The following RELN variants were observed in gnomAD, a reference collection of about 807,000 sequenced individuals.
RELN encodes the protein reelin.
In RELN, 108 loss-of-function variants were observed where a neutral mutation model predicts 427.6. The observed-to-expected ratio is 0.25, with a 90% CI of 0.22 to 0.30. The LOEUF (loss-of-function observed/expected upper bound fraction) is 0.30, where lower values mean the gene tolerates loss of function less well. Ranked by LOEUF, RELN falls within the 10% of genes least tolerant of loss-of-function variation. The pLI is 1.00. For missense variants in RELN, 3,715 were observed against 4,302.8 expected (o/e 0.86, Z 3.82); for synonymous variants, 1,524 against 1,513.4 (o/e 1.01, Z -0.16).
At chr7:103,680,130 G>T (rs1002520121) in intron 11 of RELN, among the ~76,000 whole-genome samples, 2 of 152,084 alleles carry the variant, frequency 1.3e-5, no homozygotes, top group Non-Finnish European at 2.9e-5. Context: ...ATAAGAGCAA[G>T]TTACATTTAA....
intron 11 of RELN, among the ~76,000 whole-genome samples, chr7:103,674,603 T>TG (rs1316806231): frequency 6.6e-6 from 1 of 152,084 alleles, no homozygotes. Context: ...TGCTCGTTCC[T>TG]GGGGGGCAGA....
intron 2 of RELN, among the ~76,000 whole-genome samples, chr7:103,881,938 T>C (rs1160146666): frequency 6.6e-6 from 1 of 152,190 alleles, no homozygotes; most frequent in East Asian, 1.9e-4. Flanking sequence ...GAATATTGTA[T>C]TAAAACCAAT....
chr7:103,904,216 T>C (rs927186421), intron 2 of RELN, among the ~76,000 whole-genome samples: 2 of 152,162 alleles, frequency 1.3e-5, no homozygotes, highest in Non-Finnish European at 2.9e-5. Context: ...CAGTATTCCA[T>C]AGTGTATATG....
At chr7:103,964,984 C>T (rs1161337029) in intron 1 of RELN, among the ~76,000 whole-genome samples, 1 of 152,160 alleles carries the variant, frequency 6.6e-6, no homozygotes, top group African/African-American at 2.4e-5. Context: ...ATAATGCTAC[C>T]TCACAGAATC....
intron 52 of RELN, among the ~76,000 whole-genome samples, chr7:103,502,680 G>C (rs1393426993): frequency 2.6e-5 from 4 of 152,152 alleles, no homozygotes; most frequent in African/African-American, 4.8e-5. Context: ...AGTGCACAGA[G>C]GTCCACAGTC....
chr7:103,891,862 C>G (rs755595466), intron 2 of RELN, among the ~76,000 whole-genome samples: 2 of 152,138 alleles, frequency 1.3e-5, no homozygotes, highest in Admixed American at 6.5e-5. Context: ...CAGTTCATAT[C>G]CAATGCACTC....
At chr7:103,831,165 T>C (rs1338151403) in intron 3 of RELN, among the ~76,000 whole-genome samples, 4 of 152,162 alleles carry the variant, frequency 2.6e-5, no homozygotes, top group Non-Finnish European at 4.4e-5. Context: ...CTGATATAGA[T>C]ATACTTTGTG....
chr7:103,894,611 G>A (rs1246297817), intron 2 of RELN, among the ~76,000 whole-genome samples: 2 of 152,120 alleles, frequency 1.3e-5, no homozygotes, highest in East Asian at 1.9e-4. Context: ...AAAGAAAATG[G>A]GAAGTCAAGT....
At chr7:103,598,977 A>G (rs1413256672) in intron 24 of RELN, among the ~76,000 whole-genome samples, 1 of 152,200 alleles carries the variant, frequency 6.6e-6, no homozygotes, top group Non-Finnish European at 1.5e-5. Flanking sequence ...CATTCCTGGT[A>G]TATGGAAAAT....
chr7:103,678,454 TAA>T, intron 11 of RELN, among the ~76,000 whole-genome samples: 1 of 152,260 alleles, frequency 6.6e-6, no homozygotes, highest in East Asian at 1.9e-4. Context: ...AAATCCCACT[TAA>T]AAAAATAAAC....
chr7:103,598,068 C>T (rs956847425), intron 24 of RELN, among the ~76,000 whole-genome samples: 2 of 152,224 alleles, frequency 1.3e-5, no homozygotes, highest in African/African-American at 4.8e-5. Context: ...GATTTAAACT[C>T]TAATCCACTA....
rs778189845 is a variant in RELN at position 103,573,230 on chromosome 7, C to T, written c.4511+862G>A. On this transcript the variant is annotated intron_variant, in intron 30 of 64. Transcript: ENST00000428762. This position sits in a 1 kb window ranked among gnomAD's most constrained non-coding sequence, Gnocchi z 4.4. ...TGCTGGCATTACAGGTGTGAGCTAC[C>T]GCATCCAGCCAAGATGAGGAAAAAT... Among the ~76,000 whole-genome samples, 10 of 152,182 alleles carry T rather than the reference C, an allele frequency of 6.6e-5. No homozygotes were observed. The highest frequency in any genetic ancestry group is 2.1e-4 in the South Asian group (1 of 4,834).
At chr7:103,492,903 A>G (rs150812782) in intron 57 of RELN, among the ~76,000 whole-genome samples, 3 of 152,144 alleles carry the variant, frequency 2.0e-5, no homozygotes, top group African/African-American at 7.2e-5. Flanking sequence ...GTAGGGAATC[A>G]TGGTGGGACA....
chr7:103,624,427 C>T (rs996076284), intron 20 of RELN, among the ~76,000 whole-genome samples: 4 of 152,008 alleles, frequency 2.6e-5, no homozygotes, highest in African/African-American at 9.7e-5. Context: ...CCTCATGTCC[C>T]ACTCTACTTT....
intron 2 of RELN, among the ~76,000 whole-genome samples, chr7:103,890,611 T>C (rs187337205): frequency 6.6e-6 from 1 of 152,048 alleles, no homozygotes; most frequent in African/African-American, 2.4e-5. Flanking sequence ...AAGAAACTAA[T>C]CCCTAGTGCC....
At chr7:103,676,653 TGATA>T (rs1259876662) in intron 11 of RELN, among the ~76,000 whole-genome samples, 2 of 152,182 alleles carry the variant, frequency 1.3e-5, no homozygotes, top group African/African-American at 4.8e-5. Context: ...ATGTCCACAA[TGATA>T]GACTGGATTA....
At chr7:103,607,616 A>C (rs1831849651) in intron 22 of RELN, among the ~76,000 whole-genome samples, 1 of 152,200 alleles carries the variant, frequency 6.6e-6, no homozygotes, top group Admixed American at 6.5e-5. Flanking sequence ...CGGATTCCCC[A>C]AAGCAACAAA....
At chr7:103,720,981 T>C (rs940867480) in intron 8 of RELN, among the ~76,000 whole-genome samples, 5 of 152,166 alleles carry the variant, frequency 3.3e-5, no homozygotes, top group Admixed American at 2.0e-4. Context: ...CCATTCTAAC[T>C]CTTCTTGGTT....
intron 3 of RELN, among the ~76,000 whole-genome samples, chr7:103,790,462 A>T (rs1374918058): frequency 6.6e-6 from 1 of 152,118 alleles, no homozygotes; most frequent in Admixed American, 6.6e-5. Context: ...GCATTTTAAG[A>T]TGTATTTCCA....
Sources: gnomAD v4.1 joint callset for allele counts (sites outside exome capture counted in the v4.1 genomes callset) on GRCh38, gnomAD v4.1.1 for gene constraint, Gnocchi (gnomAD v3.1) non-coding constraint, MANE v1.5 for transcripts, NCBI Gene and HGNC (gene_info 2026-07-23, HGNC 2026-07-21) for gene names.